The following CRPPA variants were observed in gnomAD, a reference collection of about 807,000 sequenced individuals.
CRPPA encodes the protein D-ribitol-5-phosphate cytidylyltransferase.
CRPPA carries 43 observed loss-of-function variants against 52.0 expected under a neutral mutation model. That is an observed-to-expected ratio of 0.83 (90% CI 0.65 to 1.07). The LOEUF (loss-of-function observed/expected upper bound fraction) is 1.07. Ranked by LOEUF, CRPPA falls within the 50% of genes least tolerant of loss-of-function variation. CRPPA has a pLI of 0.00. For missense variants in CRPPA, 629 were observed against 551.7 expected (o/e 1.14, Z -1.40); for synonymous variants, 250 against 203.5 (o/e 1.23, Z -1.94).
intron 2 of CRPPA, among the ~76,000 whole-genome samples, chr7:16,390,826 T>G (rs1366523908): frequency 6.6e-6 from 1 of 152,098 alleles, no homozygotes; most frequent in Non-Finnish European, 1.5e-5. Context: ...ACTTAATAAG[T>G]AACAGCTTAA....
intron 5 of CRPPA, among the ~76,000 whole-genome samples, chr7:16,286,035 AAAAATATAAATATATATATATAT>A (rs1475219858): frequency 0.012 from 232 of 18,796 alleles, 12 homozygotes; most frequent in African/African-American, 0.085. Context: ...AAAAAAAAAA[AAAAATATAAATATATATATATAT>A]ATATATATAT....
chr7:16,314,326 G>C (rs929847216), intron 3 of CRPPA, among the ~76,000 whole-genome samples: 1 of 151,962 alleles, frequency 6.6e-6, no homozygotes, highest in African/African-American at 2.4e-5. Context: ...CAATAATGGT[G>C]TGCCACTTGG....
intron 5 of CRPPA, among the ~76,000 whole-genome samples, chr7:16,286,068 T>TTTAAAAAA (rs1562608533): frequency 2.1e-4 from 5 of 24,066 alleles, no homozygotes; most frequent in African/African-American, 1.3e-3. Context: ...TATATATATA[T>TTTAAAAAA]ATATATATAT....
chr7:16,161,555 G>GT (rs1408714756), intron 9 of CRPPA, among the ~76,000 whole-genome samples: 2 of 152,180 alleles, frequency 1.3e-5, no homozygotes, highest in African/African-American at 4.8e-5. Context: ...TGGTGGATAA[G>GT]TTTTTTAATG....
intron 2 of CRPPA, among the ~76,000 whole-genome samples, chr7:16,398,792 G>A (rs776298744): frequency 1.6e-4 from 24 of 152,298 alleles, no homozygotes; most frequent in East Asian, 1.5e-3. Flanking sequence ...TGACTGACAC[G>A]TGATTAACAT....
chr7:16,408,437 G>A (rs550310522), intron 1 of CRPPA, among the ~76,000 whole-genome samples: 110 of 152,298 alleles, frequency 7.2e-4, no homozygotes, highest in Admixed American at 5.8e-3. Context: ...GGGAGGAAGC[G>A]GAGCTGGAGT....
intron 9 of CRPPA, among the ~76,000 whole-genome samples, chr7:16,202,762 G>A (rs927622352): frequency 3.3e-5 from 5 of 152,132 alleles, no homozygotes; most frequent in African/African-American, 1.2e-4. Flanking sequence ...GCATTATGAT[G>A]AAAACAGTAT....
chr7:16,131,171 C>G (rs28386896), intron 9 of CRPPA, among the ~76,000 whole-genome samples: 17,516 of 151,818 alleles, frequency 0.12, 1,487 homozygotes, highest in African/African-American at 0.23. Context: ...TGTAACAAAA[C>G]CAAAAAAAGT....
chr7:16,234,911 T>G (rs1782903577), intron 8 of CRPPA, among the ~76,000 whole-genome samples: 1 of 152,070 alleles, frequency 6.6e-6, no homozygotes, highest in South Asian at 2.1e-4. Flanking sequence ...GAAAAACTCA[T>G]GCAGGAAACA....
chr7:16,299,642 C>T (rs1302034364), intron 5 of CRPPA, among the ~76,000 whole-genome samples: 1 of 152,120 alleles, frequency 6.6e-6, no homozygotes, highest in African/African-American at 2.4e-5. Flanking sequence ...TATAAGGAAA[C>T]TAAAAGTTTG....
intron 8 of CRPPA, among the ~76,000 whole-genome samples, chr7:16,238,194 A>G (rs1226170679): frequency 2.0e-5 from 3 of 152,206 alleles, no homozygotes; most frequent in Non-Finnish European, 4.4e-5. Context: ...CTTATATAGA[A>G]TATTTCAGAA....
chr7:16,157,166 G>A (rs1374195203), intron 9 of CRPPA, among the ~76,000 whole-genome samples: 3 of 146,500 alleles, frequency 2.0e-5, no homozygotes, highest in Non-Finnish European at 3.0e-5. Flanking sequence ...GAAATCTTTC[G>A]GAACACAAAT....
At chr7:16,186,789 G>C (rs1318297741) in intron 9 of CRPPA, among the ~76,000 whole-genome samples, 2 of 144,570 alleles carry the variant, frequency 1.4e-5, no homozygotes, top group Non-Finnish European at 3.1e-5. Flanking sequence ...AATATACACA[G>C]AGGATATAGC....
chr7:16,108,691 G>T (rs1782202386), intron 9 of CRPPA, among the ~76,000 whole-genome samples: 1 of 151,806 alleles, frequency 6.6e-6, no homozygotes, highest in Non-Finnish European at 1.5e-5. Context: ...CTCCGGGATA[G>T]ATCTCACATG....
intron 2 of CRPPA, among the ~76,000 whole-genome samples, chr7:16,385,747 A>C (rs924874750): frequency 6.6e-6 from 1 of 152,222 alleles, no homozygotes; most frequent in African/African-American, 2.4e-5. Context: ...TATTGTTTTT[A>C]AAAGCAATTA....
intron 9 of CRPPA, among the ~76,000 whole-genome samples, chr7:16,103,938 C>G (rs1233314292): frequency 6.6e-6 from 1 of 152,008 alleles, no homozygotes; most frequent in African/African-American, 2.4e-5. Context: ...AAATTATAAA[C>G]TTAATGCAAA....
chr7:16,137,438 T>C (rs1202189856), intron 9 of CRPPA, among the ~76,000 whole-genome samples: 3 of 152,118 alleles, frequency 2.0e-5, no homozygotes, highest in African/African-American at 7.2e-5. Flanking sequence ...TGAAGGAAAA[T>C]ATTTTATCTT....
At chr7:16,130,366 G>A (rs75872145) in intron 9 of CRPPA, among the ~76,000 whole-genome samples, 5,345 of 152,214 alleles carry the variant, frequency 0.035, 281 homozygotes, top group East Asian at 0.27. Context: ...GGCTGGCTGG[G>A]AAATGCTATT....
intron 3 of CRPPA, among the ~76,000 whole-genome samples, chr7:16,360,942 T>C (rs1269780841): frequency 6.6e-6 from 1 of 152,088 alleles, no homozygotes; most frequent in Non-Finnish European, 1.5e-5. Flanking sequence ...ATCTCTGGAA[T>C]AGAAGAGAAT....
Sources: allele counts gnomAD v4.1 joint callset (sites outside exome capture counted in the v4.1 genomes callset), GRCh38; gene constraint gnomAD v4.1.1; transcripts MANE v1.5; gene names NCBI Gene and HGNC (gene_info 2026-07-23, HGNC 2026-07-21).